The following TRIM55 variants were observed in gnomAD, a reference collection of about 807,000 sequenced individuals.
TRIM55 encodes tripartite motif-containing protein 55.
TRIM55 carries 50 observed loss-of-function variants against 60.9 expected under a neutral mutation model. The ratio of observed to expected loss-of-function variants is 0.82; its 90% CI spans 0.65 to 1.04. TRIM55 has a LOEUF of 1.04. Among genes scored for constraint, TRIM55 ranks in the 50% least tolerant of loss-of-function variants. The pLI, the probability that TRIM55 is intolerant of heterozygous loss-of-function variation, is 0.00. For missense variants in TRIM55, 681 were observed against 666.9 expected (o/e 1.02, Z -0.23); for synonymous variants, 237 against 238.1 (o/e 1.00, Z 0.04).
At chr8:66,150,529 G>T (rs1381016597) in intron 7 of TRIM55, 63 bp downstream of exon 7, 1 of 1,597,636 alleles carries the variant, frequency 6.3e-7, no homozygotes, top group Non-Finnish European at 8.6e-7. Context: ...CGAAGAGTTG[G>T]GTGGGAGGAA....
At chr8:66,113,977 T>A in the TRIM55 span, among the ~76,000 whole-genome samples, 1 of 151,188 alleles carries the variant, frequency 6.6e-6, no homozygotes, top group Non-Finnish European at 1.5e-5. Context: ...CCCGGGAAGC[T>A]GTGCCCGCTC....
At chr8:66,124,175 C>T (rs1047426985), upstream of TRIM55, among the ~76,000 whole-genome samples, 2 of 152,264 alleles carry the variant, frequency 1.3e-5, no homozygotes, top group Admixed American at 1.3e-4. Context: ...GCCAGGGCTT[C>T]GCGACCTCTC....
chr8:66,132,633 T>C (rs765596865), intron 2 of TRIM55, among the ~76,000 whole-genome samples: 2 of 152,208 alleles, frequency 1.3e-5, no homozygotes, highest in African/African-American at 2.4e-5. Context: ...CATTTAGCAC[T>C]GGGCCCTGAC....
At chr8:66,139,025 A>G (rs1473938751) in intron 4 of TRIM55, among the ~76,000 whole-genome samples, 2 of 152,172 alleles carry the variant, frequency 1.3e-5, no homozygotes, top group Admixed American at 1.3e-4. Flanking sequence ...ATATTCCTGA[A>G]AAGATCCATG....
chr8:66,145,850 A>G (rs185466834), intron 4 of TRIM55, among the ~76,000 whole-genome samples: 1 of 152,298 alleles, frequency 6.6e-6, no homozygotes, highest in East Asian at 1.9e-4. Context: ...CAAGCACTTC[A>G]TATAATTTTT....
chr8:66,122,764 T>C (rs753790811), upstream of TRIM55, among the ~76,000 whole-genome samples: 73 of 152,154 alleles, frequency 4.8e-4, no homozygotes, highest in Non-Finnish European at 9.7e-4. Context: ...GCTTAGCTGA[T>C]CAGTATTAAC....
intron 8 of TRIM55, among the ~76,000 whole-genome samples, chr8:66,153,839 C>T (rs1370565376): frequency 6.6e-6 from 1 of 152,130 alleles, no homozygotes; most frequent in Non-Finnish European, 1.5e-5. Flanking sequence ...GAAGAGGGCA[C>T]CCATCCAGAT....
chr8:66,114,569 T>C, the TRIM55 span: 98 of 456,358 alleles, frequency 2.1e-4, 1 homozygote, highest in East Asian at 6.5e-3. Flanking sequence ...CAGGGACTCA[T>C]CTGAGGCTAA....
At chr8:66,141,828 G>A (rs906891915) in intron 4 of TRIM55, among the ~76,000 whole-genome samples, 3 of 152,170 alleles carry the variant, frequency 2.0e-5, no homozygotes, top group African/African-American at 7.2e-5. Flanking sequence ...CAAATTCATT[G>A]TATTTCCAAA....
At chr8:66,151,495 T>G (rs979681470) in intron 7 of TRIM55, among the ~76,000 whole-genome samples, 1 of 152,176 alleles carries the variant, frequency 6.6e-6, no homozygotes, top group Non-Finnish European at 1.5e-5. Flanking sequence ...ATCTTTAGGA[T>G]GTATCTTTTT....
At chr8:66,140,438 C>A (rs1239161435) in intron 4 of TRIM55, among the ~76,000 whole-genome samples, 1 of 152,216 alleles carries the variant, frequency 6.6e-6, no homozygotes, top group Non-Finnish European at 1.5e-5. Context: ...TCTTTCAGAT[C>A]AGTTTAGGTG....
At chr8:66,151,523 T>C (rs976656784) in intron 7 of TRIM55, among the ~76,000 whole-genome samples, 3 of 152,098 alleles carry the variant, frequency 2.0e-5, no homozygotes, top group Admixed American at 2.0e-4. Flanking sequence ...TCGCTTAATA[T>C]TGCCTGTCCT....
At chr8:66,152,903 TTGTGTG>T (rs59283692) in intron 8 of TRIM55, among the ~76,000 whole-genome samples, 10,961 of 140,312 alleles carry the variant, frequency 0.078, 665 homozygotes, top group African/African-American at 0.17. Flanking sequence ...TGTCTGGAAA[TTGTGTG>T]TGTGTGTGTG....
chr8:66,172,971 TTTTG>T (rs891952594), intron 9 of TRIM55, among the ~76,000 whole-genome samples: 17 of 152,184 alleles, frequency 1.1e-4, no homozygotes, highest in Non-Finnish European at 1.6e-4. Context: ...AGGGTTTGTT[TTTTG>T]TTTGTTTGTT....
rs1357056077 is a variant in TRIM55, at chr8:66,143,182, C to G, written c.603+5992C>G. On this transcript the variant is annotated intron_variant, in intron 4 of 9. Transcript: ENST00000315962. The stretch of plus-strand genomic sequence containing the variant: ...CAGTGACAAGTGGTGGGTCTAAGAG[C>G]TTATCTTCAGCTCTATTTTGGTCAC... 2.6e-5 allele frequency among the ~76,000 whole-genome samples: 4 copies of G among 152,114 alleles called. No individual in the cohort carries two copies. The East Asian group carries it at 7.7e-4, about 29-fold the overall frequency.
chr8:66,156,001 C>T (rs1810718272), intron 9 of TRIM55, among the ~76,000 whole-genome samples: 1 of 152,176 alleles, frequency 6.6e-6, no homozygotes, highest in Non-Finnish European at 1.5e-5. Context: ...AGCAAACCCT[C>T]CAGAATGGTC....
intron 9 of TRIM55, among the ~76,000 whole-genome samples, chr8:66,159,492 G>A (rs990176372): frequency 2.0e-5 from 3 of 152,224 alleles, no homozygotes; most frequent in Non-Finnish European, 2.9e-5. Flanking sequence ...TAAAGCTGCT[G>A]TGAACACTCA....
intron 9 of TRIM55, among the ~76,000 whole-genome samples, chr8:66,164,589 C>CTTCCCCT (rs1432347938): frequency 2.0e-5 from 3 of 152,156 alleles, no homozygotes; most frequent in African/African-American, 7.2e-5. Flanking sequence ...CAAATAGTCC[C>CTTCCCCT]TTCCCCTTTC....
chr8:66,152,667 G>T, intron 8 of TRIM55, 40 bp downstream of exon 8: 2 of 1,590,386 alleles, frequency 1.3e-6, no homozygotes, highest in Non-Finnish European at 1.7e-6. Flanking sequence ...GCACATGGGC[G>T]TGTCTCCTTA....
Sources: gnomAD v4.1 joint callset for allele counts (sites outside exome capture counted in the v4.1 genomes callset) on GRCh38, gnomAD v4.1.1 for gene constraint, MANE v1.5 for transcripts, NCBI Gene and HGNC (gene_info 2026-07-23, HGNC 2026-07-21) for gene names.